KCNT1: variants seen among roughly 807,000 people sequenced by gnomAD.
KCNT1 encodes the protein potassium sodium-activated channel subfamily T member 1.
A neutral mutation model predicts 147.8 loss-of-function variants in KCNT1; 78 were observed. The ratio of observed to expected loss-of-function variants is 0.53; its 90% CI spans 0.44 to 0.64. The LOEUF (loss-of-function observed/expected upper bound fraction) is 0.64, where lower values mean the gene tolerates loss of function less well. Among genes scored for constraint, KCNT1 ranks in the 30% least tolerant of loss-of-function variants. The pLI is 0.00. For synonymous variants in KCNT1, 867 were observed against 748.8 expected (o/e 1.16, Z -2.58); for missense variants, 1,419 against 1,750.3 (o/e 0.81, Z 3.38).
intron 2 of KCNT1, among the ~76,000 whole-genome samples, chr9:135,721,214 C>T (rs535291317): frequency 2.0e-5 from 3 of 152,180 alleles, no homozygotes; most frequent in Admixed American, 6.5e-5. Context: ...GAAGCCACTC[C>T]GCTCCAGCAC....
At chr9:135,779,543 A>G in intron 24 of KCNT1, 73 bp downstream of exon 24, 1 of 1,162,118 alleles carries the variant, frequency 8.6e-7, no homozygotes, top group South Asian at 1.2e-5. Context: ...GCTCAGGGGA[A>G]AGGGGGCCAG....
chr9:135,770,247 G>T, intron 16 of KCNT1, 51 bp from the exon 17 acceptor site: 1 of 1,548,288 alleles, frequency 6.5e-7, no homozygotes, highest in Non-Finnish European at 8.7e-7. Flanking sequence ...CGGGGAGAAG[G>T]GGCAGCCATG....
chr9:135,788,569 C>T (rs967403115), intron 29 of KCNT1, among the ~76,000 whole-genome samples: 2 of 152,232 alleles, frequency 1.3e-5, no homozygotes, highest in African/African-American at 4.8e-5. Context: ...GGACCCTAAG[C>T]TCCTCTGCTC....
intron 13 of KCNT1, 89 bp downstream of exon 13, chr9:135,765,849 C>T: frequency 8.0e-7 from 1 of 1,246,388 alleles, no homozygotes; most frequent in South Asian, 1.4e-5. Context: ...CCGTCGCTCT[C>T]CTGGCCAATG....
intron 2 of KCNT1, among the ~76,000 whole-genome samples, chr9:135,734,041 G>A (rs536469004): frequency 6.6e-5 from 10 of 152,034 alleles, no homozygotes; most frequent in Middle Eastern, 3.4e-3. Flanking sequence ...TGTCCAGCCC[G>A]CAGTCCCACT....
chr9:135,788,159 C>A, intron 29 of KCNT1: 3 of 1,612,330 alleles, frequency 1.9e-6, no homozygotes, highest in Non-Finnish European at 2.5e-6. Context: ...GGGATATTTG[C>A]AAGGTAATTC....
chr9:135,758,362 C>T, intron 9 of KCNT1, 52 bp from the exon 10 acceptor site: 2 of 1,358,416 alleles, frequency 1.5e-6, no homozygotes, highest in Non-Finnish European at 2.1e-6. Flanking sequence ...TTCATTGGCT[C>T]CTGGCGGGGT....
In KCNT1 at chr9:135,771,723, G is replaced by A. The variant is rs983006284; in HGVS notation, c.2008+628G>A. 3.9e-5 allele frequency among the ~76,000 whole-genome samples: 6 copies of A among 152,172 alleles called. No homozygotes were observed. The East Asian group carries it at 1.2e-3, about 29-fold the overall frequency. ...GACAGGGTCAGGCTGCCTCTGAGCA[G>A]GTGGAGGCCCATGGCCCCTAGGGCA... is the stretch of plus-strand genomic sequence containing the variant. On this transcript the variant is annotated intron_variant, in intron 18 of 30. Coordinates refer to ENST00000371757, the MANE Select transcript of KCNT1 (RefSeq NM_020822.3).
At chr9:135,722,145 G>T (rs1319543696) in intron 2 of KCNT1, among the ~76,000 whole-genome samples, 3 of 152,090 alleles carry the variant, frequency 2.0e-5, no homozygotes, top group Admixed American at 2.0e-4. Flanking sequence ...GATACCCCTG[G>T]GCCCAGGGCT....
intron 2 of KCNT1, among the ~76,000 whole-genome samples, chr9:135,735,484 GT>G (rs932621930): frequency 3.9e-5 from 6 of 152,322 alleles, no homozygotes; most frequent in African/African-American, 1.4e-4. Context: ...CCAGGCCCCT[GT>G]GGCACGGGTG....
At chr9:135,725,780 T>C (rs1226891339) in intron 2 of KCNT1, among the ~76,000 whole-genome samples, 1 of 152,252 alleles carries the variant, frequency 6.6e-6, no homozygotes, top group Admixed American at 6.5e-5. Context: ...GGACAGAGTC[T>C]GTTTCCAGCA....
At chr9:135,713,629 C>A (rs1361578666) in intron 1 of KCNT1, among the ~76,000 whole-genome samples, 1 of 152,176 alleles carries the variant, frequency 6.6e-6, no homozygotes. Context: ...CCTGCCCCTG[C>A]CCGTGGGGGA....
Position 135,784,773 on chromosome 9 carries a change from G to A in KCNT1, c.3040G>A (p.Glu1014Lys), listed in dbSNP as rs745590718. 6.8e-6 allele frequency: 11 copies of A among 1,612,480 alleles called. No homozygotes were observed. Among genetic ancestry groups the A allele is most frequent in the East Asian group, 4.5e-5 (2 of 44,866 alleles). The change falls in exon 27 of 31, where the codon GAG becomes AAG. Residue 1014 changes from glutamate to lysine, a missense_variant. By Grantham distance (56) the Glu-to-Lys change is moderately conservative. Coordinates refer to ENST00000371757, the MANE Select transcript of KCNT1 (RefSeq NM_020822.3). ...TCCCACCCTGCAGATGAAAATCACC[G>A]AGGGCGACCTGTGGATCCGCACGTA... ...SGYLCAMKIT[E>K]GDLWIRTYGR...
At chr9:135,758,530 G>T in intron 10 of KCNT1, 22 bp downstream of exon 10, 1 of 1,599,296 alleles carries the variant, frequency 6.3e-7, no homozygotes. Flanking sequence ...CCGTCAGTGT[G>T]AGCACCCCAG....
chr9:135,709,210 A>C (rs984733179), intron 1 of KCNT1, among the ~76,000 whole-genome samples: 1 of 152,244 alleles, frequency 6.6e-6, no homozygotes, highest in East Asian at 1.9e-4. Flanking sequence ...GGTCGTGTTT[A>C]GTTTTTAAAT....
At position 135,782,498 on chromosome 9, in the gene KCNT1, T is replaced by G. The variant is rs368280931; in HGVS notation, c.2842-1526T>G. On this transcript the variant is annotated intron_variant, in intron 24 of 30. Coordinates refer to ENST00000371757, the MANE Select transcript of KCNT1 (RefSeq NM_020822.3). The stretch of plus-strand genomic sequence containing the variant: ...TGGGGCTGCACGGTGCCTGTCCTGC[T>G]CCCTCTGACCGGGGGTCTCGTGCTC... 3.3e-5 allele frequency among the ~76,000 whole-genome samples: 5 copies of G among 152,328 alleles called. No homozygotes were observed. The East Asian group carries it at 9.6e-4, about 29-fold the overall frequency.
intron 3 of KCNT1, chr9:135,750,694 C>CAT: frequency 1.7e-6 from 1 of 577,708 alleles, no homozygotes; most frequent in Non-Finnish European, 3.1e-6. Context: ...GGAGTGGCCT[C>CAT]TAGAAATCCC....
intron 19 of KCNT1, among the ~76,000 whole-genome samples, chr9:135,773,445 C>G (rs991263331): frequency 2.6e-4 from 40 of 152,360 alleles, no homozygotes; most frequent in African/African-American, 8.2e-4. Flanking sequence ...GCCCGCCTGA[C>G]CAGGGGTGGG....
chr9:135,794,716 C>T lies in KCNT1; in HGVS notation c.*2555C>T, dbSNP rs1439933138. ...CCAGCCCAAGAAAAGCTGCCTGCAG[C>T]ATCTGGAAACTTCTGTGCTCTCCTT... On this transcript the variant is annotated 3_prime_UTR_variant, in exon 31 of 31. Coordinates refer to ENST00000371757, the MANE Select transcript of KCNT1 (RefSeq NM_020822.3). 1 of 152,220 alleles carries T rather than the reference C, an allele frequency of 6.6e-6. No individual in the cohort carries two copies. Among genetic ancestry groups the T allele is most frequent in the Non-Finnish European group, 1.5e-5 (1 of 68,058 alleles). 9.4% of individuals were successfully genotyped at this position (152,220 alleles called of 1,614,324 possible).
Sources: gnomAD v4.1 joint callset for allele counts (sites outside exome capture counted in the v4.1 genomes callset) on GRCh38, gnomAD v4.1.1 for gene constraint, MANE v1.5 for transcripts, NCBI Gene and HGNC (gene_info 2026-07-23, HGNC 2026-07-21) for gene names.